The following FNTB variants were observed in gnomAD, a reference collection of about 807,000 sequenced individuals.
FNTB encodes the protein protein farnesyltransferase subunit beta.
In FNTB, 27 loss-of-function variants were observed where a neutral mutation model predicts 59.4. The observed-to-expected ratio is 0.45, with a 90% CI of 0.34 to 0.63. The LOEUF (loss-of-function observed/expected upper bound fraction) is 0.63, where lower values mean the gene tolerates loss of function less well. FNTB is among the 20% of genes least tolerant of loss of function. The probability of loss-of-function intolerance (pLI) is 0.02; values close to 1 mark genes in which losing one functional copy is unlikely to be tolerated. For synonymous variants in FNTB, 230 were observed against 220.7 expected, an observed-to-expected ratio of 1.04 and a Z score of -0.37; for missense variants, 449 against 559.6, an observed-to-expected ratio of 0.80 and a Z score of 1.99.
chr14:64,995,725 T>A (rs1342198596), intron 1 of FNTB, among the ~76,000 whole-genome samples: 1 of 150,244 alleles, frequency 6.7e-6, no homozygotes, highest in Non-Finnish European at 1.5e-5. Context: ...TGTATATATT[T>A]TATATATATA....
Position 65,032,781 on chromosome 14 carries a change from G to A in FNTB, c.692+85G>A. 7.6e-7 allele frequency: 1 copy of A among 1,317,076 alleles called. No individual in the cohort carries two copies. Among genetic ancestry groups the A allele is most frequent in the Non-Finnish European group, 1.0e-6 (1 of 970,926 alleles). 81.6% of individuals were successfully genotyped at this position (1,317,076 alleles called of 1,614,324 possible). A position where few individuals can be genotyped will look rare whatever the true frequency, so the allele number is the denominator to read the frequency against. Reference sequence around the variant, plus strand: ...CAGAAAAATAAAGAAAATGCAGAGGGACTTGGAAGGAAATACAAAAATCAC... The same window carrying A: ...CAGAAAAATAAAGAAAATGCAGAGGAACTTGGAAGGAAATACAAAAATCAC... On this transcript the variant is annotated intron_variant, in intron 7 of 11. Coordinates refer to ENST00000246166, the MANE Select transcript of FNTB (RefSeq NM_002028.4). The surrounding 1 kb of genome is among the most constrained non-coding windows in gnomAD (Gnocchi z 5.0).
Position 65,027,808 on chromosome 14 carries a change from A to G in FNTB, c.605+27A>G. ...TGAGTGGGGTTTTGCACAGGCTGCCACATCAGTTGACTCTAGAGCTCATCT... is the reference window on the plus strand; with the variant it reads ...TGAGTGGGGTTTTGCACAGGCTGCCGCATCAGTTGACTCTAGAGCTCATCT... On this transcript the variant is annotated intron_variant, in intron 6 of 11. Coordinates refer to ENST00000246166, the MANE Select transcript of FNTB (RefSeq NM_002028.4). This position sits in a 1 kb window ranked among gnomAD's most constrained non-coding sequence, Gnocchi z 5.7. 1 of 1,613,750 alleles carries G rather than the reference A, an allele frequency of 6.2e-7. No homozygotes were observed. Among genetic ancestry groups the G allele is most frequent in the Non-Finnish European group, 8.5e-7 (1 of 1,179,886 alleles).
At position 65,029,069 on chromosome 14, in the gene FNTB, C is replaced by G. The variant is rs1471098745; in HGVS notation, c.605+1288C>G. Reference sequence around the variant, plus strand: ...GTTCTAGATAAATGCTAGGAAACTTCTCCAGTAAGGCAGCTTGGTTCCCCT... The same window carrying G: ...GTTCTAGATAAATGCTAGGAAACTTGTCCAGTAAGGCAGCTTGGTTCCCCT... On this transcript the variant is annotated intron_variant, in intron 6 of 11. Transcript: ENST00000246166. This position sits in a 1 kb window ranked among gnomAD's most constrained non-coding sequence, Gnocchi z 4.7. Among the ~76,000 whole-genome samples the G allele has an allele frequency of 6.6e-6, 1 of 152,026 alleles. No homozygotes were observed. The highest frequency in any genetic ancestry group is 1.5e-5 in the Non-Finnish European group (1 of 68,014).
chr14:65,053,694 A>G (rs981434132), intron 10 of FNTB, among the ~76,000 whole-genome samples: 2 of 152,218 alleles, frequency 1.3e-5, no homozygotes, highest in Admixed American at 1.3e-4. Context: ...TCAGTGTTGT[A>G]AACAGAGACT....
chr14:65,038,766 C>G (rs905889752), intron 7 of FNTB, among the ~76,000 whole-genome samples: 17 of 152,072 alleles, frequency 1.1e-4, no homozygotes, highest in Non-Finnish European at 2.4e-4. Context: ...GGTTCGTTTC[C>G]ATCTCTTAAT....
At chr14:65,052,221 T>C (rs2062632476) in intron 9 of FNTB, among the ~76,000 whole-genome samples, 1 of 152,200 alleles carries the variant, frequency 6.6e-6, no homozygotes, top group Non-Finnish European at 1.5e-5. Flanking sequence ...GCTATGCAGA[T>C]TATGTAATAG....
chr14:64,999,500 T>C (rs1888522696), intron 1 of FNTB, among the ~76,000 whole-genome samples: 1 of 152,074 alleles, frequency 6.6e-6, no homozygotes, highest in African/African-American at 2.4e-5. Flanking sequence ...ATTTGATGCT[T>C]AAGAGGTGGG....
chr14:65,037,395 G>A (rs1162724231), intron 7 of FNTB, among the ~76,000 whole-genome samples: 9 of 93,720 alleles, frequency 9.6e-5, no homozygotes, highest in South Asian at 3.8e-4. Flanking sequence ...GAGCCACCAC[G>A]CCGGGCCCTT....
chr14:65,014,702 T>TA lies in FNTB; in HGVS notation c.283-922dup, dbSNP rs1451845865. On this transcript the variant is annotated intron_variant, in intron 3 of 11. Coordinates refer to ENST00000246166, the MANE Select transcript of FNTB (RefSeq NM_002028.4). This position sits in a 1 kb window ranked among gnomAD's most constrained non-coding sequence, Gnocchi z 5.1. ...AGTGGTGTGTGCCCGTAGTCCCAGC[T>TA]ACTTAGGAGGCTGAGGTGGGAGGAT... Among the ~76,000 whole-genome samples, 1 of 152,080 alleles carries TA rather than the reference T, an allele frequency of 6.6e-6. No homozygotes were observed. Among genetic ancestry groups the TA allele is most frequent in the Non-Finnish European group, 1.5e-5 (1 of 68,000 alleles).
chr14:65,020,614 A>G (rs560494286), intron 4 of FNTB, among the ~76,000 whole-genome samples: 60 of 150,752 alleles, frequency 4.0e-4, no homozygotes, highest in Non-Finnish European at 7.7e-4. Context: ...TTGTATTTTT[A>G]GTAGAGATTG....
chr14:65,062,537 A>C lies in FNTB; in HGVS notation c.*1225A>C, dbSNP rs1291948457. The C allele has an allele frequency of 6.5e-6, 1 of 152,702 alleles. No homozygotes were observed. Among genetic ancestry groups the C allele is most frequent in the Non-Finnish European group, 1.5e-5 (1 of 68,064 alleles). 9.5% of individuals were successfully genotyped at this position (152,702 alleles called of 1,614,324 possible). A position where few individuals can be genotyped will look rare whatever the true frequency, so the allele number is the denominator to read the frequency against. On this transcript the variant is annotated 3_prime_UTR_variant, in exon 12 of 12. Transcript: ENST00000246166. This position sits in a 1 kb window ranked among gnomAD's most constrained non-coding sequence, Gnocchi z 4.3. The stretch of plus-strand genomic sequence containing the variant: ...GCTGCGGGCAGACAGGAGCTCAGAG[A>C]TGCAGCATGAGGCGCTTAGAAAAAC...
chr14:65,053,424 A>T, intron 10 of FNTB, 75 bp downstream of exon 10: 1 of 1,216,264 alleles, frequency 8.2e-7, no homozygotes, highest in Non-Finnish European at 1.1e-6. Context: ...AGGCCTACTC[A>T]GAGCCAGATC....
At chr14:65,020,595 G>A (rs1595037175) in intron 4 of FNTB, among the ~76,000 whole-genome samples, 1 of 151,688 alleles carries the variant, frequency 6.6e-6, no homozygotes, top group South Asian at 2.1e-4. Context: ...CACCACACCC[G>A]GCTAATTTTT....
In FNTB at chr14:65,030,293, T is replaced by A. The variant is rs1047997098; in HGVS notation, c.606-2317T>A. 6.6e-6 allele frequency among the ~76,000 whole-genome samples: 1 copy of A among 152,232 alleles called. No individual in the cohort carries two copies. The highest frequency in any genetic ancestry group is 1.9e-4 in the East Asian group (1 of 5,202). ...TTGGCATTGGCACTTGTGACTCTTG[T>A]GTGCTCCCAATGCCTGCTGGTGGAA... On this transcript the variant is annotated intron_variant, in intron 6 of 11. Coordinates refer to ENST00000246166, the MANE Select transcript of FNTB (RefSeq NM_002028.4). The surrounding 1 kb of genome is among the most constrained non-coding windows in gnomAD (Gnocchi z 4.5).
chr14:65,049,813 T>C (rs2062566125), intron 9 of FNTB, among the ~76,000 whole-genome samples: 1 of 152,060 alleles, frequency 6.6e-6, no homozygotes, highest in Non-Finnish European at 1.5e-5. Flanking sequence ...GAGATATAAT[T>C]CCCATACCAC....
In FNTB at chr14:64,991,748, G is replaced by A. The variant is rs1051343252; in HGVS notation, c.144+4651G>A. 1.3e-5 allele frequency among the ~76,000 whole-genome samples: 2 copies of A among 152,208 alleles called. No homozygotes were observed. The highest frequency in any genetic ancestry group is 1.9e-4 in the East Asian group (1 of 5,202). ...ATGACTTCATGGAGAACGTGGAACT[G>A]GGTGGGCTGTAAAAAATAGAGTTTG... is the stretch of plus-strand genomic sequence containing the variant. On this transcript the variant is annotated intron_variant, in intron 1 of 11. Coordinates refer to ENST00000246166, the MANE Select transcript of FNTB (RefSeq NM_002028.4). The surrounding 1 kb of genome is among the most constrained non-coding windows in gnomAD (Gnocchi z 4.4).
At chr14:65,016,925 T>TG (rs2061785414) in intron 4 of FNTB, among the ~76,000 whole-genome samples, 1 of 145,004 alleles carries the variant, frequency 6.9e-6, no homozygotes, top group Non-Finnish European at 1.5e-5. Flanking sequence ...ACGTGGTTTT[T>TG]TTTTTTTTTT....
Position 65,032,724 on chromosome 14 carries a change from C to T in FNTB, c.692+28C>T. The T allele has an allele frequency of 5.6e-6, 9 of 1,604,032 alleles. No homozygotes were observed. Among genetic ancestry groups the T allele is most frequent in the Non-Finnish European group, 7.7e-6 (9 of 1,174,910 alleles). The stretch of plus-strand genomic sequence containing the variant: ...GAGAGAAGCCAGGGTTTCTCCTGGC[C>T]TCTTGGAGAGCAGGCGGTCACGACA... On this transcript the variant is annotated intron_variant, in intron 7 of 11. Transcript: ENST00000246166. The surrounding 1 kb of genome is among the most constrained non-coding windows in gnomAD (Gnocchi z 5.0).
intron 1 of FNTB, among the ~76,000 whole-genome samples, chr14:64,999,177 C>T (rs886936604): frequency 5.3e-5 from 8 of 152,220 alleles, no homozygotes; most frequent in African/African-American, 1.9e-4. Flanking sequence ...GTGGCTCATG[C>T]CTGTAATCCC....
Sources: allele counts gnomAD v4.1 joint callset (sites outside exome capture counted in the v4.1 genomes callset), GRCh38; gene constraint gnomAD v4.1.1; non-coding constraint Gnocchi (gnomAD v3.1); transcripts MANE v1.5; gene names NCBI Gene and HGNC (gene_info 2026-07-23, HGNC 2026-07-21).